LYPD6B: variants seen among roughly 807,000 people sequenced by gnomAD.
The protein encoded by LYPD6B is LY6/PLAUR domain containing 6B, also known as ly6/PLAUR domain-containing protein 6B.
LYPD6B carries 17 observed loss-of-function variants against 22.8 expected under a neutral mutation model. That is an observed-to-expected ratio of 0.75 (90% CI 0.51 to 1.12). LYPD6B has a LOEUF of 1.12. Among genes scored for constraint, LYPD6B ranks in the 50% most tolerant of loss-of-function variants. The probability of loss-of-function intolerance (pLI) is 0.00; values close to 1 mark genes in which losing one functional copy is unlikely to be tolerated. For missense variants in LYPD6B, 221 were observed against 258.3 expected (o/e 0.86, Z 0.99); for synonymous variants, 106 against 91.6 (o/e 1.16, Z -0.90).
chr2:149,153,972 C>T, intron 2 of LYPD6B: 2 of 486,754 alleles, frequency 4.1e-6, no homozygotes, highest in Non-Finnish European at 5.3e-6. Flanking sequence ...GGTGAGAGCC[C>T]TTGAAGATGA....
intron 1 of LYPD6B, among the ~76,000 whole-genome samples, chr2:149,113,835 A>G (rs1007817588): frequency 2.0e-5 from 3 of 152,202 alleles, no homozygotes; most frequent in Non-Finnish European, 2.9e-5. Context: ...AGTGAACTGC[A>G]TGGTTACTTT....
intron 2 of LYPD6B, among the ~76,000 whole-genome samples, chr2:149,146,112 A>C (rs1192517037): frequency 6.6e-6 from 1 of 152,238 alleles, no homozygotes; most frequent in Non-Finnish European, 1.5e-5. Flanking sequence ...GAGTGAACAA[A>C]AACAGAAATG....
At chr2:149,080,746 A>G (rs1685084535) in intron 1 of LYPD6B, among the ~76,000 whole-genome samples, 1 of 150,374 alleles carries the variant, frequency 6.7e-6, no homozygotes, top group South Asian at 2.1e-4. Context: ...GGAGACTGAG[A>G]CAGGAGAATG....
At chr2:149,177,440 A>G (rs903699545) in intron 3 of LYPD6B, among the ~76,000 whole-genome samples, 4 of 152,108 alleles carry the variant, frequency 2.6e-5, no homozygotes, top group African/African-American at 4.8e-5. Context: ...CCATTTGGCT[A>G]TTTCCTTCTG....
chr2:149,110,941 G>C lies in LYPD6B; in HGVS notation c.-66-19942G>C, dbSNP rs146055168. On this transcript the variant is annotated intron_variant, in intron 1 of 6. Transcript: ENST00000409642. ...GTGTCTGGGAAGAACTCTCGAAAAG[G>C]TGATATTGAAGCAGAGACTAGAATA... Among the ~76,000 whole-genome samples the C allele has an allele frequency of 3.1e-4, 47 of 152,290 alleles. No individual in the cohort carries two copies. The East Asian group carries it at 9.1e-3, about 29-fold the overall frequency.
intron 1 of LYPD6B, among the ~76,000 whole-genome samples, chr2:149,110,170 T>A (rs1038463864): frequency 6.6e-6 from 1 of 152,198 alleles, no homozygotes; most frequent in Non-Finnish European, 1.5e-5. Context: ...CAGGGTTTTT[T>A]AATTTGCAAA....
intron 2 of LYPD6B, among the ~76,000 whole-genome samples, chr2:149,157,191 C>T (rs952489642): frequency 7.9e-5 from 12 of 152,066 alleles, no homozygotes; most frequent in African/African-American, 2.2e-4. Context: ...TGTCGGGGGC[C>T]GGCTTCTGCA....
chr2:149,148,051 A>G (rs190256678), intron 2 of LYPD6B, among the ~76,000 whole-genome samples: 1 of 152,102 alleles, frequency 6.6e-6, no homozygotes, highest in East Asian at 1.9e-4. Flanking sequence ...CTCTTGACCC[A>G]TTTGCCTGTC....
intron 3 of LYPD6B, among the ~76,000 whole-genome samples, chr2:149,201,002 G>A (rs1693115215): frequency 6.6e-6 from 1 of 152,200 alleles, no homozygotes; most frequent in East Asian, 1.9e-4. Context: ...AAGGTAATAA[G>A]CTCTGTGTTG....
intron 1 of LYPD6B, among the ~76,000 whole-genome samples, chr2:149,043,147 G>T (rs900057688): frequency 7.9e-5 from 12 of 152,068 alleles, no homozygotes; most frequent in Non-Finnish European, 5.9e-5. Context: ...TCATGCTCAG[G>T]GTTCATTATT....
chr2:149,095,867 G>A (rs1355119622), intron 1 of LYPD6B, among the ~76,000 whole-genome samples: 1 of 151,836 alleles, frequency 6.6e-6, no homozygotes, highest in Non-Finnish European at 1.5e-5. Flanking sequence ...GAGACCATAG[G>A]CAGACAGACA....
intron 3 of LYPD6B, among the ~76,000 whole-genome samples, chr2:149,181,353 A>ATC (rs112794286): frequency 0.04 from 6,111 of 152,288 alleles, 429 homozygotes; most frequent in African/African-American, 0.14. Flanking sequence ...GTAAACACCA[A>ATC]ATCCCCTATC....
At chr2:149,175,754 A>G (rs1350736820) in intron 3 of LYPD6B, among the ~76,000 whole-genome samples, 2 of 136,418 alleles carry the variant, frequency 1.5e-5, no homozygotes, top group Non-Finnish European at 1.6e-5. Context: ...CTTTTGTCTT[A>G]AAAACTAAGA....
chr2:149,139,064 T>C (rs774589920), intron 2 of LYPD6B, among the ~76,000 whole-genome samples: 6 of 152,216 alleles, frequency 3.9e-5, no homozygotes, highest in Non-Finnish European at 7.3e-5. Context: ...TGAGGATACA[T>C]GGAAACCCTG....
chr2:149,146,427 A>G (rs548152509), intron 2 of LYPD6B, among the ~76,000 whole-genome samples: 29 of 152,230 alleles, frequency 1.9e-4, no homozygotes, highest in African/African-American at 7.0e-4. Flanking sequence ...GCAAATACGA[A>G]CCTCAGAAAG....
At chr2:149,065,880 T>C (rs1380094657) in intron 1 of LYPD6B, among the ~76,000 whole-genome samples, 1 of 152,088 alleles carries the variant, frequency 6.6e-6, no homozygotes, top group Non-Finnish European at 1.5e-5. Flanking sequence ...GGCCCTTTTT[T>C]TTTGTATTTT....
At chr2:149,204,316 G>C (rs141941709) in intron 3 of LYPD6B, among the ~76,000 whole-genome samples, 1 of 152,150 alleles carries the variant, frequency 6.6e-6, no homozygotes, top group Admixed American at 6.5e-5. Flanking sequence ...CAAAGTCTTC[G>C]GGTTCCCGGT....
intron 1 of LYPD6B, among the ~76,000 whole-genome samples, chr2:149,063,411 C>G (rs1208712676): frequency 6.6e-6 from 1 of 152,062 alleles, no homozygotes; most frequent in Non-Finnish European, 1.5e-5. Context: ...CAAAGTCTTC[C>G]CCTAAATAGG....
chr2:149,080,531 C>A (rs1685074678), intron 1 of LYPD6B, among the ~76,000 whole-genome samples: 2 of 152,162 alleles, frequency 1.3e-5, no homozygotes, highest in African/African-American at 4.8e-5. Flanking sequence ...GTTCTCTATT[C>A]TTTCTCACTT....
Sources: allele counts gnomAD v4.1 joint callset (sites outside exome capture counted in the v4.1 genomes callset), GRCh38; gene constraint gnomAD v4.1.1; transcripts MANE v1.5; gene names NCBI Gene and HGNC (gene_info 2026-07-23, HGNC 2026-07-21).